SV2B: variants seen among roughly 807,000 people sequenced by gnomAD.
SV2B encodes the protein solute carrier family 22 member B2.
In SV2B, 41 loss-of-function variants were observed where a neutral mutation model predicts 73.9. The observed-to-expected ratio is 0.56, with a 90% CI of 0.43 to 0.72. The LOEUF (loss-of-function observed/expected upper bound fraction) is 0.72. SV2B is among the 30% of genes least tolerant of loss of function. The pLI is 0.00. For missense variants in SV2B, 764 were observed against 857.8 expected (o/e 0.89, Z 1.37); for synonymous variants, 314 against 314.2 (o/e 1.00, Z 0.01).
intron 1 of SV2B, among the ~76,000 whole-genome samples, chr15:91,126,262 G>T (rs2042479672): frequency 6.6e-6 from 1 of 152,222 alleles, no homozygotes; most frequent in Non-Finnish European, 1.5e-5. Flanking sequence ...TGACTCATCT[G>T]CTTCTGCCTG....
chr15:91,160,204 G>A (rs11857735), intron 1 of SV2B, among the ~76,000 whole-genome samples: 59,564 of 151,996 alleles, frequency 0.39, 12,175 homozygotes, highest in East Asian at 0.7. Context: ...TGGAAAGGTG[G>A]GGAGCTGACA....
At chr15:91,205,650 G>A (rs1200798918) in intron 1 of SV2B, among the ~76,000 whole-genome samples, 2 of 152,112 alleles carry the variant, frequency 1.3e-5, no homozygotes, top group African/African-American at 2.4e-5. Flanking sequence ...ACAGGTGTGA[G>A]CCACCACGCC....
Position 91,110,921 on chromosome 15 carries a change from C to T in SV2B, c.-392+10558C>T, listed in dbSNP as rs1338423931. ...TAGGGTAGCAATGTAAAGGCAGTAG[C>T]TTGAAACTTAAGGCAAAGAAGAGAA... On this transcript the variant is annotated intron_variant, in intron 1 of 12. Transcript: ENST00000394232. This position sits in a 1 kb window ranked among gnomAD's most constrained non-coding sequence, Gnocchi z 5.4. Among the ~76,000 whole-genome samples the T allele has an allele frequency of 6.6e-6, 1 of 151,576 alleles. No individual in the cohort carries two copies. The highest frequency in any genetic ancestry group is 1.9e-4 in the East Asian group (1 of 5,184).
chr15:91,252,028 C>G lies in SV2B; in HGVS notation c.632+29C>G, dbSNP rs1390259955. Reference sequence around the variant, plus strand: ...TGTTCTTAGGGAGGTGGAGCTGGACCATCCCAGACCAATGGCCCATCCATT... The same window carrying G: ...TGTTCTTAGGGAGGTGGAGCTGGACGATCCCAGACCAATGGCCCATCCATT... On this transcript the variant is annotated intron_variant, in intron 3 of 12. Transcript: ENST00000394232. This position sits in a 1 kb window ranked among gnomAD's most constrained non-coding sequence, Gnocchi z 4.6. 6.2e-7 allele frequency: 1 copy of G among 1,608,104 alleles called. No individual in the cohort carries two copies. The highest frequency in any genetic ancestry group is 1.1e-5 in the South Asian group (1 of 90,304).
At chr15:91,138,800 C>T (rs2042918603) in intron 1 of SV2B, among the ~76,000 whole-genome samples, 2 of 152,052 alleles carry the variant, frequency 1.3e-5, no homozygotes, top group Admixed American at 6.6e-5. Context: ...TGCAGGGAGT[C>T]CTAGAACCAA....
At chr15:91,112,915 C>T (rs1274817284) in intron 1 of SV2B, among the ~76,000 whole-genome samples, 3 of 152,202 alleles carry the variant, frequency 2.0e-5, no homozygotes, top group African/African-American at 7.2e-5. Flanking sequence ...CTCCTGGGCT[C>T]AAGAGACCCT....
At chr15:91,262,799 C>T (rs984460944) in intron 6 of SV2B, among the ~76,000 whole-genome samples, 1 of 152,198 alleles carries the variant, frequency 6.6e-6, no homozygotes, top group African/African-American at 2.4e-5. Flanking sequence ...TCTTCCATCC[C>T]CGCCGACTCT....
At position 91,288,245 on chromosome 15, in the gene SV2B, A is replaced by AT. The variant is rs1209407720; in HGVS notation, c.1709-1269dup. 2.0e-5 allele frequency among the ~76,000 whole-genome samples: 3 copies of AT among 152,084 alleles called. No homozygotes were observed. The highest frequency in any genetic ancestry group is 1.9e-4 in the East Asian group (1 of 5,190). On this transcript the variant is annotated intron_variant, in intron 11 of 12. Transcript: ENST00000394232. The surrounding 1 kb of genome is among the most constrained non-coding windows in gnomAD (Gnocchi z 5.8). ...CAGGTTATAAGCTCCATGAGAATGG[A>AT]TTTTTTTAAAAAATTATTTTTTTAT...
rs56671225 is a variant in SV2B, at chr15:91,121,753, AC to A, written c.-392+21392del. Reference sequence around the variant, plus strand: ...TTCCCCTTCGCGCTCACCTCAAGAAACCATCTATTTATATATTAATAGTGTT... The same window carrying A: ...TTCCCCTTCGCGCTCACCTCAAGAAACATCTATTTATATATTAATAGTGTT... On this transcript the variant is annotated intron_variant, in intron 1 of 12. Coordinates refer to ENST00000394232, the MANE Select transcript of SV2B (RefSeq NM_001323032.3). The surrounding 1 kb of genome is among the most constrained non-coding windows in gnomAD (Gnocchi z 4.4). 0.11 allele frequency among the ~76,000 whole-genome samples: 16,566 copies of A among 150,902 alleles called. 1,351 individuals are homozygous for A. The highest frequency in any genetic ancestry group is 0.23 in the African/African-American group (9,550 of 40,850).
chr15:91,278,379 C>T (rs1231815427), intron 9 of SV2B, among the ~76,000 whole-genome samples: 2 of 151,920 alleles, frequency 1.3e-5, no homozygotes, highest in Admixed American at 1.3e-4. Context: ...GAAGGCCTGA[C>T]CCCTACACCT....
chr15:91,159,741 T>C (rs1466572066), intron 1 of SV2B, among the ~76,000 whole-genome samples: 3 of 152,166 alleles, frequency 2.0e-5, no homozygotes, highest in Non-Finnish European at 2.9e-5. Flanking sequence ...TATAAATATA[T>C]CCACTTATTA....
chr15:91,267,201 C>CTCCATATGG lies in SV2B; in HGVS notation c.1120-354_1120-353insTCCATATGG. On this transcript the variant is annotated intron_variant, in intron 7 of 12. Coordinates refer to ENST00000394232, the MANE Select transcript of SV2B (RefSeq NM_001323032.3). The surrounding 1 kb of genome is among the most constrained non-coding windows in gnomAD (Gnocchi z 4.3). ...CTGGTTGGCCTTCATGGTGTATGGTCAGTAAATGTTTGCAATATCCCCCTT... is the reference window on the plus strand; with the variant it reads ...CTGGTTGGCCTTCATGGTGTATGGTCTCCATATGGAGTAAATGTTTGCAATATCCCCCTT... 6.6e-6 allele frequency among the ~76,000 whole-genome samples: 1 copy of CTCCATATGG among 152,198 alleles called. No homozygotes were observed. Among genetic ancestry groups the CTCCATATGG allele is most frequent in the Non-Finnish European group, 1.5e-5 (1 of 68,028 alleles).
chr15:91,178,796 A>G (rs887993757), intron 1 of SV2B, among the ~76,000 whole-genome samples: 1 of 145,964 alleles, frequency 6.9e-6, no homozygotes, highest in Non-Finnish European at 1.5e-5. Context: ...TTTCTTTATT[A>G]GTCTTGCTAG....
intron 2 of SV2B, among the ~76,000 whole-genome samples, chr15:91,248,074 C>A (rs2047315097): frequency 6.6e-6 from 1 of 152,198 alleles, no homozygotes; most frequent in African/African-American, 2.4e-5. Flanking sequence ...GTAATCCCAG[C>A]ACTTTGGGAG....
chr15:91,166,677 A>G (rs1217359725), intron 1 of SV2B, among the ~76,000 whole-genome samples: 1 of 152,058 alleles, frequency 6.6e-6, no homozygotes, highest in Non-Finnish European at 1.5e-5. Context: ...CAGATTAGAT[A>G]CTTTTAATTG....
At chr15:91,257,311 C>T (rs563950791) in intron 4 of SV2B, among the ~76,000 whole-genome samples, 1 of 152,264 alleles carries the variant, frequency 6.6e-6, no homozygotes, top group Admixed American at 6.5e-5. Context: ...TCTACAGCTG[C>T]GAAAACCCAC....
chr15:91,230,401 T>A (rs2046532175), intron 2 of SV2B, among the ~76,000 whole-genome samples: 2 of 152,228 alleles, frequency 1.3e-5, no homozygotes, highest in Non-Finnish European at 2.9e-5. Context: ...TTGTTATTTT[T>A]TTCCTGGAAA....
chr15:91,269,862 G>T (rs941298826), intron 9 of SV2B, among the ~76,000 whole-genome samples: 2 of 152,148 alleles, frequency 1.3e-5, no homozygotes, highest in Non-Finnish European at 2.9e-5. Context: ...AAGCCCAGTT[G>T]CAGACATCTC....
intron 2 of SV2B, among the ~76,000 whole-genome samples, chr15:91,237,799 T>C (rs979986673): frequency 2.0e-5 from 3 of 152,218 alleles, no homozygotes; most frequent in Non-Finnish European, 2.9e-5. Flanking sequence ...GCGATGATGT[T>C]TGGAATATTT....
Sources: allele counts gnomAD v4.1 joint callset (sites outside exome capture counted in the v4.1 genomes callset), GRCh38; gene constraint gnomAD v4.1.1; non-coding constraint Gnocchi (gnomAD v3.1); transcripts MANE v1.5; gene names NCBI Gene and HGNC (gene_info 2026-07-23, HGNC 2026-07-21).